DIPK1A: variants seen among roughly 807,000 people sequenced by gnomAD.
DIPK1A encodes divergent protein kinase domain 1A.
In DIPK1A, 27 loss-of-function variants were observed where a neutral mutation model predicts 40.8. The observed-to-expected ratio is 0.66, with a 90% CI of 0.49 to 0.91. DIPK1A has a LOEUF of 0.91. DIPK1A is among the 40% of genes least tolerant of loss of function. The pLI is 0.00. For synonymous variants in DIPK1A, 166 were observed against 171.3 expected (o/e 0.97, Z 0.24); for missense variants, 412 against 505.7 (o/e 0.81, Z 1.78).
chr1:92,953,840 A>G (rs1225070467), intron 1 of DIPK1A, among the ~76,000 whole-genome samples: 1 of 152,186 alleles, frequency 6.6e-6, no homozygotes, highest in East Asian at 1.9e-4. Flanking sequence ...AAAGTGCATA[A>G]AATAGTTAAT....
intron 1 of DIPK1A, among the ~76,000 whole-genome samples, chr1:92,900,823 T>A (rs1355336217): frequency 6.6e-6 from 1 of 152,020 alleles, no homozygotes; most frequent in African/African-American, 2.4e-5. Flanking sequence ...ATCATACAGA[T>A]CCTGGCTTGG....
chr1:92,902,047 G>A (rs145076840), intron 1 of DIPK1A, among the ~76,000 whole-genome samples: 130 of 152,230 alleles, frequency 8.5e-4, no homozygotes, highest in Non-Finnish European at 1.3e-3. Context: ...TGGGGGACGC[G>A]GGAGGGCAGT....
At chr1:92,888,267 TGTGA>T (rs1485004843) in intron 1 of DIPK1A, among the ~76,000 whole-genome samples, 1 of 152,138 alleles carries the variant, frequency 6.6e-6, no homozygotes, top group Non-Finnish European at 1.5e-5. Flanking sequence ...AACTTTCACA[TGTGA>T]GTAAGATCAT....
At chr1:92,852,510 G>A (rs959773203) in intron 2 of DIPK1A, among the ~76,000 whole-genome samples, 4 of 151,426 alleles carry the variant, frequency 2.6e-5, no homozygotes, top group African/African-American at 9.7e-5. Flanking sequence ...CAAAAAAAAA[G>A]AAAAAAATTT....
At chr1:92,836,710 T>A in intron 4 of DIPK1A, 1 of 282,698 alleles carries the variant, frequency 3.5e-6, no homozygotes, top group South Asian at 4.4e-5. Context: ...CCCCATGCAC[T>A]TTCTTTTTTC....
chr1:92,854,430 A>T (rs1197127131), intron 2 of DIPK1A, among the ~76,000 whole-genome samples: 2 of 152,228 alleles, frequency 1.3e-5, no homozygotes, highest in African/African-American at 4.8e-5. Flanking sequence ...TGACTATTGT[A>T]TATTGCTCAG....
At chr1:92,837,394 A>G, downstream of DIPK1A, 1 of 1,435,122 alleles carries the variant, frequency 7.0e-7, no homozygotes, top group Non-Finnish European at 9.8e-7. Flanking sequence ...TACTAAAGTA[A>G]ATTCTTACTA....
At chr1:92,924,643 C>T (rs547516674) in intron 1 of DIPK1A, among the ~76,000 whole-genome samples, 1 of 152,146 alleles carries the variant, frequency 6.6e-6, no homozygotes, top group Non-Finnish European at 1.5e-5. Context: ...GTCAGCTGCT[C>T]GGTCCGGAGT....
At chr1:92,928,306 A>G (rs1650600861) in intron 1 of DIPK1A, among the ~76,000 whole-genome samples, 2 of 152,240 alleles carry the variant, frequency 1.3e-5, no homozygotes, top group South Asian at 4.1e-4. Context: ...CTAAATACAG[A>G]TATCTTGTAA....
At chr1:92,953,760 T>C (rs1172762657) in intron 1 of DIPK1A, among the ~76,000 whole-genome samples, 1 of 152,172 alleles carries the variant, frequency 6.6e-6, no homozygotes, top group Non-Finnish European at 1.5e-5. Context: ...AGTCGTTCAA[T>C]GGGTAGAGTT....
At chr1:92,896,766 G>A (rs989934805) in intron 1 of DIPK1A, among the ~76,000 whole-genome samples, 23 of 152,104 alleles carry the variant, frequency 1.5e-4, no homozygotes, top group African/African-American at 5.6e-4. Flanking sequence ...CTGACCAAGG[G>A]CTAATATCCA....
In DIPK1A at chr1:92,842,706, A is replaced by G; in HGVS notation, c.*677T>C. 1.0e-6 allele frequency: 1 copy of G among 985,464 alleles called. No individual in the cohort carries two copies. The highest frequency in any genetic ancestry group is 1.2e-6 in the Non-Finnish European group (1 of 829,936). 61.0% of individuals were successfully genotyped at this position (985,464 alleles called of 1,614,324 possible). ...TGAAGGGCTCAGTCAGCTGCGTGAT[A>G]CTAAGATGGGCCCTTTGAATCTTTA... On this transcript the variant is annotated 3_prime_UTR_variant, in exon 5 of 5. Coordinates refer to ENST00000370310, the MANE Select transcript of DIPK1A (RefSeq NM_001006605.5).
intron 1 of DIPK1A, among the ~76,000 whole-genome samples, chr1:92,939,877 G>A (rs982053781): frequency 3.3e-5 from 5 of 151,996 alleles, no homozygotes; most frequent in East Asian, 3.9e-4. Flanking sequence ...ACTTGAACCC[G>A]GGAGGAAGAG....
chr1:92,919,641 AAC>A (rs1353386001), intron 1 of DIPK1A, among the ~76,000 whole-genome samples: 1 of 152,216 alleles, frequency 6.6e-6, no homozygotes, highest in Non-Finnish European at 1.5e-5. Flanking sequence ...TGCTATAATT[AAC>A]CTCCTTACGT....
intron 1 of DIPK1A, among the ~76,000 whole-genome samples, chr1:92,877,432 G>A (rs1356864937): frequency 6.6e-6 from 1 of 152,236 alleles, no homozygotes; most frequent in Non-Finnish European, 1.5e-5. Flanking sequence ...ACTGGGAACA[G>A]TAGGATATTG....
At chr1:92,916,324 G>A (rs1290442602) in intron 1 of DIPK1A, among the ~76,000 whole-genome samples, 10 of 142,488 alleles carry the variant, frequency 7.0e-5, no homozygotes, top group African/African-American at 1.6e-4. Context: ...TTTTTGAGAC[G>A]GAGTTTCGCT....
At chr1:92,853,394 T>C (rs546101138) in intron 2 of DIPK1A, among the ~76,000 whole-genome samples, 2 of 152,312 alleles carry the variant, frequency 1.3e-5, no homozygotes, top group African/African-American at 2.4e-5. Context: ...AAAAATAAGT[T>C]ATCCTTTGAG....
At chr1:92,942,349 A>G (rs1651185619) in intron 1 of DIPK1A, among the ~76,000 whole-genome samples, 1 of 152,290 alleles carries the variant, frequency 6.6e-6, no homozygotes, top group East Asian at 1.9e-4. Context: ...TGAAATGTTT[A>G]AGCAATTCAT....
intron 2 of DIPK1A, among the ~76,000 whole-genome samples, chr1:92,865,782 A>G (rs1557459812): frequency 6.6e-6 from 1 of 152,220 alleles, no homozygotes; most frequent in Non-Finnish European, 1.5e-5. Context: ...AACAAACATT[A>G]TCCATTGGTT....
Sources: gnomAD v4.1 joint callset for allele counts (sites outside exome capture counted in the v4.1 genomes callset) on GRCh38, gnomAD v4.1.1 for gene constraint, MANE v1.5 for transcripts, NCBI Gene and HGNC (gene_info 2026-07-23, HGNC 2026-07-21) for gene names.